The following RAD9A variants were observed in gnomAD, a reference collection of about 807,000 sequenced individuals.
RAD9A encodes cell cycle checkpoint control protein RAD9A.
Under a neutral mutation model 41.2 loss-of-function variants are expected in RAD9A, and 25 were observed. The ratio of observed to expected loss-of-function variants is 0.61; its 90% CI spans 0.44 to 0.85. RAD9A has a LOEUF of 0.85. Among genes scored for constraint, RAD9A ranks in the 40% least tolerant of loss-of-function variants. The pLI, the probability that RAD9A is intolerant of heterozygous loss-of-function variation, is 0.00. For missense variants in RAD9A, 514 were observed against 518.3 expected (o/e 0.99, Z 0.08); for synonymous variants, 252 against 210.6 (o/e 1.20, Z -1.70).
intron 9 of RAD9A, among the ~76,000 whole-genome samples, chr11:67,396,856 C>A (rs943986471): frequency 6.6e-6 from 1 of 152,142 alleles, no homozygotes; most frequent in Non-Finnish European, 1.5e-5. Context: ...CAGCTCCTGT[C>A]CCCTGGGAAG....
At position 67,392,624 on chromosome 11, in the gene RAD9A, A is replaced by G. The variant is rs749379433; in HGVS notation, c.106-30A>G. The G allele has an allele frequency of 2.5e-6, 4 of 1,612,120 alleles. No individual in the cohort carries two copies. In the East Asian group the frequency reaches 6.7e-5, roughly 27 times the overall value. ...CTGGGTCTGTGGCTGCCCCCTGACC[A>G]CGTCCCTCTCCCTGCTCTTCGTGGC... On this transcript the variant is annotated intron_variant, in intron 2 of 10. Transcript: ENST00000307980.
chr11:67,393,491 T>G lies in RAD9A; in HGVS notation c.235-5T>G. Reference sequence around the variant, plus strand: ...TGCTAGGCTGAGGTGTCTTATCCCATGCAGTCTTTCCTGTCTGTCTTCCGC... The same window carrying G: ...TGCTAGGCTGAGGTGTCTTATCCCAGGCAGTCTTTCCTGTCTGTCTTCCGC... On this transcript the variant is annotated splice_region_variant and splice_polypyrimidine_tract_variant and intron_variant, in intron 3 of 10. Coordinates refer to ENST00000307980, the MANE Select transcript of RAD9A (RefSeq NM_004584.3). The G allele has an allele frequency of 6.2e-7, 1 of 1,614,098 alleles. No individual in the cohort carries two copies.
chr11:67,398,405 A>G lies in RAD9A; in HGVS notation c.*846A>G, dbSNP rs374042890. 3.2e-6 allele frequency: 3 copies of G among 927,416 alleles called. No individual in the cohort carries two copies. The highest frequency in any genetic ancestry group is 3.4e-5 in the African/African-American group (2 of 59,648). 57.4% of individuals were successfully genotyped at this position (927,416 alleles called of 1,614,324 possible). A position where few individuals can be genotyped will look rare whatever the true frequency, so the allele number is the denominator to read the frequency against. ...ATTGATTCATTAAAAAAAGAAAAGA[A>G]AAATACACCAAGGCTCCATGTTCCC... On this transcript the variant is annotated 3_prime_UTR_variant, in exon 11 of 11. Coordinates refer to ENST00000307980, the MANE Select transcript of RAD9A (RefSeq NM_004584.3).
chr11:67,392,551 G>A, intron 2 of RAD9A, 103 bp from the exon 3 acceptor site: 1 of 1,471,920 alleles, frequency 6.8e-7, no homozygotes, highest in Non-Finnish European at 9.2e-7. Context: ...GGTGGTGGCG[G>A]AGCGGGAGGA....
At position 67,397,477 on chromosome 11, in the gene RAD9A, T is replaced by G; in HGVS notation, c.1094T>G (p.Phe365Cys). 6.2e-7 allele frequency: 1 copy of G among 1,611,758 alleles called. No individual in the cohort carries two copies. Among genetic ancestry groups the G allele is most frequent in the Non-Finnish European group, 8.5e-7 (1 of 1,178,228 alleles). The change falls in exon 11 of 11, where the codon TTC becomes TGC. Residue 365 changes from phenylalanine (F) to cysteine (C), a missense_variant. By Grantham distance (205) the Phe-to-Cys change is radical. This residue lies in a region of RAD9A where 216 missense variants were observed against 184.2 expected (regional missense o/e 1.17). Coordinates refer to ENST00000307980, the MANE Select transcript of RAD9A (RefSeq NM_004584.3). ...TPPPKKFRSL[F>C]FGSILAPVRS... ...TTCTCTTTCCAGTTCCGCTCACTGT[T>G]CTTCGGCTCCATCCTGGCCCCTGTA... is the stretch of plus-strand genomic sequence containing the variant.
intron 9 of RAD9A, among the ~76,000 whole-genome samples, chr11:67,396,665 C>G (rs570000668): frequency 6.6e-6 from 1 of 152,342 alleles, no homozygotes; most frequent in African/African-American, 2.4e-5. Flanking sequence ...TGAGGCCGCC[C>G]CTCTGAGCCT....
intron 5 of RAD9A, 146 bp from the exon 6 acceptor site, chr11:67,395,570 C>T: frequency 1.5e-6 from 1 of 654,906 alleles, no homozygotes; most frequent in Non-Finnish European, 2.6e-6. Flanking sequence ...AGTCCCCTCC[C>T]TGCCACCTTC....
chr11:67,395,534 G>A, intron 5 of RAD9A, 182 bp from the exon 6 acceptor site: 1 of 594,052 alleles, frequency 1.7e-6, no homozygotes, highest in South Asian at 2.1e-5. Context: ...GGTGCCGCCT[G>A]CCAGGTTTGA....
Position 67,397,506 on chromosome 11 carries a change from T to C in RAD9A, c.1123T>C (p.Ser375Pro). 6.2e-7 allele frequency: 1 copy of C among 1,612,076 alleles called. No homozygotes were observed. Among genetic ancestry groups the C allele is most frequent in the African/African-American group, 1.3e-5 (1 of 74,868 alleles). The stretch of plus-strand genomic sequence containing the variant: ...CGGCTCCATCCTGGCCCCTGTACGC[T>C]CCCCCCAGGGCCCCAGCCCTGTGCT... ...FFGSILAPVR[S>P]PQGPSPVLAE... is the part of the protein sequence containing the mutation. Residue 375 changes from serine to proline, a missense_variant, in exon 11 of 11, where the codon TCC (serine) becomes CCC (proline). Physicochemically the swap from Ser to Pro is moderately conservative, Grantham distance 74 (BLOSUM62 -1). Transcript: ENST00000307980.
intron 9 of RAD9A, 152 bp from the exon 10 acceptor site, chr11:67,397,027 C>T (rs1465701511): frequency 1.6e-6 from 1 of 619,158 alleles, no homozygotes; most frequent in Non-Finnish European, 2.9e-6. Flanking sequence ...CACTTAACCC[C>T]TGCATCCTCT....
intron 9 of RAD9A, 62 bp downstream of exon 9, chr11:67,396,462 C>T (rs1862699563): frequency 6.4e-7 from 1 of 1,568,768 alleles, no homozygotes; most frequent in East Asian, 2.2e-5. Context: ...CCTGAGACTG[C>T]AACTCCTAGC....
Position 67,393,715 on chromosome 11 carries a change from C to T in RAD9A, c.374C>T (p.Ser125Phe), listed in dbSNP as rs1349227530. The change falls in exon 5 of 11, where the codon TCC becomes TTC. Residue 125 changes from serine to phenylalanine, a missense_variant. Physicochemically the swap from Ser to Phe is radical, Grantham distance 155. Transcript: ENST00000307980. ...GGGGTGCGGAAGACTCACAACCTGT[C>T]CTTCCAGGACTGTGAGTCCCTGCAG... is the stretch of plus-strand genomic sequence containing the variant. ...KFGVRKTHNL[S>F]FQDCESLQAV... 6.2e-7 allele frequency: 1 copy of T among 1,613,696 alleles called. No homozygotes were observed. The highest frequency in any genetic ancestry group is 8.5e-7 in the Non-Finnish European group (1 of 1,179,798).
Position 67,396,266 on chromosome 11 carries a change from C to A in RAD9A, c.738C>A (p.Pro246=), listed in dbSNP as rs764204067. The change falls in exon 9 of 11, where the codon CCC becomes CCA. Residue 246 remains proline, a synonymous_variant. Transcript: ENST00000307980. ...LSIHFDAPGR[P]AIFTIKDSLL... is the part of the protein sequence containing the mutation. ...TTGGGCCCCCTCCCCTGCCCAGGCC[C>A]GCCATCTTCACCATCAAGGACTCTT... 6.2e-7 allele frequency: 1 copy of A among 1,614,038 alleles called. No homozygotes were observed. The highest frequency in any genetic ancestry group is 1.3e-5 in the African/African-American group (1 of 74,998).
At position 67,397,625 on chromosome 11, in the gene RAD9A, T is replaced by C; in HGVS notation, c.*66T>C. 1 of 1,404,470 alleles carries C rather than the reference T, an allele frequency of 7.1e-7. No individual in the cohort carries two copies. Among genetic ancestry groups the C allele is most frequent in the Non-Finnish European group, 9.8e-7 (1 of 1,018,198 alleles). The allele number at this position is 1,404,470 out of a possible 1,614,324, so 87.0% of individuals were successfully genotyped here. On this transcript the variant is annotated 3_prime_UTR_variant, in exon 11 of 11. Coordinates refer to ENST00000307980, the MANE Select transcript of RAD9A (RefSeq NM_004584.3). ...ACGAAGCCCCAGCCAGTGGCAGAACTGGGTCTCTCAGCCCTGGGGATCAGA... is the reference window on the plus strand; with the variant it reads ...ACGAAGCCCCAGCCAGTGGCAGAACCGGGTCTCTCAGCCCTGGGGATCAGA...
chr11:67,396,436 T>C (rs745722767), intron 9 of RAD9A, 36 bp downstream of exon 9: 3 of 1,608,102 alleles, frequency 1.9e-6, no homozygotes, highest in East Asian at 4.5e-5. Flanking sequence ...CCTCTCTCCA[T>C]GTCTGTGCAC....
At chr11:67,393,257 G>A in intron 3 of RAD9A, 1 of 1,202,450 alleles carries the variant, frequency 8.3e-7, no homozygotes, top group Non-Finnish European at 1.0e-6. Context: ...TCCAGCCTGG[G>A]TGACAGAGCG....
chr11:67,394,336 C>T (rs1350467538), intron 5 of RAD9A, among the ~76,000 whole-genome samples: 2 of 152,206 alleles, frequency 1.3e-5, no homozygotes, highest in African/African-American at 4.8e-5. Context: ...CTGTTCTGGG[C>T]AGTCCGAGCA....
At chr11:67,394,941 TTC>T (rs1279781923) in intron 5 of RAD9A, among the ~76,000 whole-genome samples, 1 of 151,954 alleles carries the variant, frequency 6.6e-6, no homozygotes, top group East Asian at 1.9e-4. Flanking sequence ...GAGCAATTGT[TTC>T]TCTCGTTTTG....
chr11:67,397,183 C>T lies in RAD9A; in HGVS notation c.877C>T (p.Pro293Ser). 6.2e-7 allele frequency: 1 copy of T among 1,612,062 alleles called. No individual in the cohort carries two copies. The highest frequency in any genetic ancestry group is 1.3e-5 in the African/African-American group (1 of 75,016). The change falls in exon 10 of 11, where the codon CCC becomes TCC. Residue 293 changes from proline to serine, a missense_variant. By Grantham distance (74) the Pro-to-Ser change is moderately conservative. Coordinates refer to ENST00000307980, the MANE Select transcript of RAD9A (RefSeq NM_004584.3). ...ATACTCCGATTCTGCCTACAGCACA[C>T]CCCACCCGGACGACTTTGCCAATGA... is the stretch of plus-strand genomic sequence containing the variant. The part of the protein sequence containing the change: ...PVPQLQAHST[P>S]HPDDFANDDI...
Sources: allele counts gnomAD v4.1 joint callset (sites outside exome capture counted in the v4.1 genomes callset), GRCh38; gene constraint gnomAD v4.1.1; regional missense constraint gnomAD v4.1.1; transcripts MANE v1.5; gene names NCBI Gene and HGNC (gene_info 2026-07-23, HGNC 2026-07-21).